Variants in LRRC49 observed in about 807,000 individuals in gnomAD.
LRRC49 encodes the protein leucine-rich repeat-containing protein 49.
Under a neutral mutation model 83.3 loss-of-function variants are expected in LRRC49, and 50 were observed. The ratio of observed to expected loss-of-function variants is 0.60; its 90% CI spans 0.48 to 0.76. LRRC49 has a LOEUF of 0.76. Among genes scored for constraint, LRRC49 ranks in the 30% least tolerant of loss-of-function variants. The pLI is 0.00. For synonymous variants in LRRC49, 286 were observed against 283.3 expected, an observed-to-expected ratio of 1.01 and a Z score of -0.10; for missense variants, 704 against 809.1, an observed-to-expected ratio of 0.87 and a Z score of 1.58.
At chr15:70,866,784 A>T (rs1393872378) in intron 1 of LRRC49, among the ~76,000 whole-genome samples, 1 of 152,062 alleles carries the variant, frequency 6.6e-6, no homozygotes, top group Non-Finnish European at 1.5e-5. Context: ...AATTTAACTA[A>T]ATTGGACAGA....
At position 70,923,451 on chromosome 15, in the gene LRRC49, T is replaced by C. The variant is rs190978472; in HGVS notation, c.711+4258T>C. On this transcript the variant is annotated intron_variant, in intron 7 of 15. Transcript: ENST00000260382. ...TTGGTAATTGTTCCTTTTATTGTTA[T>C]GTATTAACTCTCTTTATTACTAACT... Among the ~76,000 whole-genome samples the C allele has an allele frequency of 5.9e-5, 9 of 152,110 alleles. No individual in the cohort carries two copies. In the East Asian group the frequency reaches 1.7e-3, roughly 29 times the overall value.
chr15:71,012,371 C>G (rs2038681522), intron 13 of LRRC49, among the ~76,000 whole-genome samples: 1 of 151,944 alleles, frequency 6.6e-6, no homozygotes, highest in African/African-American at 2.4e-5. Flanking sequence ...AAAATTATCC[C>G]TATAGGAGCA....
chr15:71,013,066 A>G (rs1369273185), intron 14 of LRRC49, among the ~76,000 whole-genome samples, 153 bp downstream of exon 14: 1 of 152,222 alleles, frequency 6.6e-6, no homozygotes, highest in Non-Finnish European at 1.5e-5. Context: ...TAAGATAAAT[A>G]AGATGAAGTC....
intron 9 of LRRC49, among the ~76,000 whole-genome samples, chr15:70,978,856 A>G (rs1307609759): frequency 6.6e-6 from 1 of 152,024 alleles, no homozygotes; most frequent in Non-Finnish European, 1.5e-5. Flanking sequence ...CTCATCCTCT[A>G]TTTTCCAGTT....
intron 14 of LRRC49, among the ~76,000 whole-genome samples, chr15:71,014,845 A>G (rs2038773990): frequency 6.6e-6 from 1 of 152,186 alleles, no homozygotes; most frequent in African/African-American, 2.4e-5. Context: ...AAGAAAGACT[A>G]TAGAGGATTT....
At chr15:70,994,496 A>G (rs556350055) in intron 11 of LRRC49, among the ~76,000 whole-genome samples, 1 of 149,888 alleles carries the variant, frequency 6.7e-6, no homozygotes, top group African/African-American at 2.5e-5. Flanking sequence ...ATTTATTGAG[A>G]CAGGGCCTCA....
At position 71,029,046 on chromosome 15, in the gene LRRC49, G is replaced by A. The variant is rs187080643; in HGVS notation, c.1704-8133G>A. ...CTTTTAATTGTAACGTTAGGGTGTCGATTTTATATCTTTCCAGCTTTCTGT... is the reference window on the plus strand; with the variant it reads ...CTTTTAATTGTAACGTTAGGGTGTCAATTTTATATCTTTCCAGCTTTCTGT... On this transcript the variant is annotated intron_variant, in intron 14 of 15. Coordinates refer to ENST00000260382, the MANE Select transcript of LRRC49 (RefSeq NM_017691.5). Among the ~76,000 whole-genome samples, 487 of 152,008 alleles carry A rather than the reference G, an allele frequency of 3.2e-3. 4 individuals carry two copies. The highest frequency in any genetic ancestry group is 0.01 in the Middle Eastern group (3 of 292).
At chr15:70,875,095 C>A (rs761898537) in intron 2 of LRRC49, among the ~76,000 whole-genome samples, 5 of 152,218 alleles carry the variant, frequency 3.3e-5, no homozygotes, top group Non-Finnish European at 5.9e-5. Context: ...TGGGATTATA[C>A]CAGATAACTT....
At chr15:70,853,957 C>G in intron 1 of LRRC49, 1 of 1,454,238 alleles carries the variant, frequency 6.9e-7, no homozygotes, top group East Asian at 3.1e-5. Context: ...GGGCCGGGTC[C>G]CCGGCGCCCC....
At chr15:70,931,550 A>T (rs1038399695) in intron 7 of LRRC49, among the ~76,000 whole-genome samples, 9 of 152,050 alleles carry the variant, frequency 5.9e-5, no homozygotes, top group African/African-American at 1.4e-4. Context: ...TGTAAAATTT[A>T]AAAAAAAGCA....
intron 14 of LRRC49, among the ~76,000 whole-genome samples, chr15:71,035,994 T>C (rs1440475982): frequency 6.6e-6 from 1 of 152,172 alleles, no homozygotes; most frequent in Non-Finnish European, 1.5e-5. Context: ...CCACATCCTC[T>C]CCAGCATCTG....
At chr15:70,931,489 G>C (rs2035405322) in intron 7 of LRRC49, among the ~76,000 whole-genome samples, 1 of 151,952 alleles carries the variant, frequency 6.6e-6, no homozygotes, top group African/African-American at 2.4e-5. Flanking sequence ...ACATGCTGTT[G>C]GAAAAATGGC....
chr15:70,863,920 A>G (rs551565169), intron 1 of LRRC49, among the ~76,000 whole-genome samples: 171 of 152,330 alleles, frequency 1.1e-3, no homozygotes, highest in Non-Finnish European at 2.1e-3. Flanking sequence ...ACTGCTCAGA[A>G]TAACATCTCA....
intron 4 of LRRC49, among the ~76,000 whole-genome samples, chr15:70,902,809 A>C (rs528941672): frequency 6.6e-5 from 10 of 152,192 alleles, no homozygotes; most frequent in Non-Finnish European, 1.2e-4. Context: ...TAGATGTATC[A>C]GTAATGGGGT....
intron 14 of LRRC49, among the ~76,000 whole-genome samples, chr15:71,030,401 G>A (rs1403161355): frequency 6.6e-6 from 1 of 152,136 alleles, no homozygotes; most frequent in East Asian, 1.9e-4. Flanking sequence ...AGTCTGACGG[G>A]CTTCCCTTTG....
At chr15:70,917,531 C>A (rs912922258) in intron 6 of LRRC49, among the ~76,000 whole-genome samples, 57 of 152,206 alleles carry the variant, frequency 3.7e-4, no homozygotes, top group African/African-American at 1.3e-3. Flanking sequence ...CAGAGAGGAG[C>A]AACTCACTCT....
chr15:70,929,988 G>A (rs537529118), intron 7 of LRRC49, among the ~76,000 whole-genome samples: 13 of 151,962 alleles, frequency 8.6e-5, no homozygotes, highest in African/African-American at 3.1e-4. Flanking sequence ...TGAGGTTTGG[G>A]ATCAACTTCC....
intron 11 of LRRC49, among the ~76,000 whole-genome samples, chr15:71,002,297 A>G (rs1012867319): frequency 6.7e-6 from 1 of 150,216 alleles, no homozygotes; most frequent in Non-Finnish European, 1.5e-5. Flanking sequence ...TACAATGTCT[A>G]TAACCTTTGG....
rs767471553 is a variant in LRRC49 at position 70,904,565 on chromosome 15, G to A, written c.310G>A (p.Val104Ile). 27 of 1,611,978 alleles carry A rather than the reference G, an allele frequency of 1.7e-5. No individual in the cohort carries two copies. The highest frequency in any genetic ancestry group is 7.7e-5 in the South Asian group (7 of 90,908). Reference sequence around the variant, plus strand: ...CATTTTTTCTAGACAAAAGCTGACCGTATGTCCTATCATCAATGGGGAAGA... The same window carrying A: ...CATTTTTTCTAGACAAAAGCTGACCATATGTCCTATCATCAATGGGGAAGA... Reference protein sequence around the residue: ...RLSLERQKLTVCPIINGEDHL... With the variant: ...RLSLERQKLTICPIINGEDHL... The change falls in exon 5 of 16, where the codon GTA (valine) becomes ATA (isoleucine). Residue 104 changes from valine (V) to isoleucine (I), a missense_variant. Coordinates refer to ENST00000260382, the MANE Select transcript of LRRC49 (RefSeq NM_017691.5).
Sources: gnomAD v4.1 joint callset for allele counts (sites outside exome capture counted in the v4.1 genomes callset) on GRCh38, gnomAD v4.1.1 for gene constraint, MANE v1.5 for transcripts, NCBI Gene and HGNC (gene_info 2026-07-23, HGNC 2026-07-21) for gene names.